EPB41L5: variants seen among roughly 807,000 people sequenced by gnomAD.
EPB41L5 encodes erythrocyte membrane protein band 4.1 like 5, also known as band 4.1-like protein 5.
In EPB41L5, 55 loss-of-function variants were observed where a neutral mutation model predicts 106.6. The observed-to-expected ratio is 0.52, with a 90% confidence interval of 0.42 to 0.65. The LOEUF is 0.65. EPB41L5 is among the 30% of genes least tolerant of loss of function. EPB41L5 has a pLI of 0.00. For synonymous variants in EPB41L5, 297 were observed against 306.7 expected (o/e 0.97, Z 0.33); for missense variants, 871 against 882.1 (o/e 0.99, Z 0.16).
At chr2:120,050,463 T>G (rs1680155229) in intron 3 of EPB41L5, among the ~76,000 whole-genome samples, 1 of 152,246 alleles carries the variant, frequency 6.6e-6, no homozygotes, top group Non-Finnish European at 1.5e-5. Context: ...CTACTGAAGC[T>G]TGTGCATGCA....
intron 20 of EPB41L5, among the ~76,000 whole-genome samples, chr2:120,159,733 C>T (rs1687063890): frequency 6.6e-6 from 1 of 152,094 alleles, no homozygotes; most frequent in Admixed American, 6.5e-5. Flanking sequence ...GAATAGAGAG[C>T]CCAGAAATAG....
rs560400058 is a variant in EPB41L5 at position 120,145,806 on chromosome 2, TGTG to T, written c.1729-414_1729-412del. Among the ~76,000 whole-genome samples the T allele has an allele frequency of 7.6e-3, 1,148 of 152,050 alleles. 12 individuals carry two copies. Among genetic ancestry groups the T allele is most frequent in the African/African-American group, 0.026 (1,089 of 41,482 alleles). ...ACTAAAAATACAAAAATTAGCCAGG[TGTG>T]GTGGCACATACCTGTAATCCCAGCT... On this transcript the variant is annotated intron_variant, in intron 19 of 24. Coordinates refer to ENST00000263713, the MANE Select transcript of EPB41L5 (RefSeq NM_020909.4).
rs1358022916 is a variant in EPB41L5, at chr2:120,106,162, T to G, written c.1337+5348T>G. On this transcript the variant is annotated intron_variant, in intron 16 of 24. Coordinates refer to ENST00000263713, the MANE Select transcript of EPB41L5 (RefSeq NM_020909.4). ...GGAAGATTCACCTCATGATTTTTCT[T>G]TTGTTGAAAACCTTGTTGTAAAGAA... The G allele has an allele frequency of 3.0e-6, 3 of 985,418 alleles. No homozygotes were observed. The East Asian group carries it at 3.4e-4, about 112-fold the overall frequency. 61.0% of individuals were successfully genotyped at this position (985,418 alleles called of 1,614,324 possible).
At chr2:120,094,320 T>G (rs1476779703) in intron 14 of EPB41L5, among the ~76,000 whole-genome samples, 1 of 152,150 alleles carries the variant, frequency 6.6e-6, no homozygotes, top group Non-Finnish European at 1.5e-5. Context: ...TGATTCAGTT[T>G]GGGAGTTTGT....
At chr2:120,054,453 T>C (rs1032345917) in intron 3 of EPB41L5, among the ~76,000 whole-genome samples, 3 of 152,202 alleles carry the variant, frequency 2.0e-5, no homozygotes, top group African/African-American at 7.2e-5. Flanking sequence ...TATCAAACGA[T>C]TGCCTATTCT....
At chr2:120,150,230 T>A (rs941854776) in intron 20 of EPB41L5, among the ~76,000 whole-genome samples, 1 of 152,184 alleles carries the variant, frequency 6.6e-6, no homozygotes, top group Admixed American at 6.5e-5. Flanking sequence ...TCTCTAATGA[T>A]TAAGAATGTT....
intron 20 of EPB41L5, among the ~76,000 whole-genome samples, chr2:120,150,602 A>G (rs1686628174): frequency 1.3e-5 from 2 of 152,192 alleles, no homozygotes; most frequent in South Asian, 4.2e-4. Context: ...TTGGCCCTAA[A>G]AAGTGTTGGG....
intron 3 of EPB41L5, among the ~76,000 whole-genome samples, chr2:120,047,795 G>C (rs1679910702): frequency 6.6e-6 from 1 of 152,118 alleles, no homozygotes; most frequent in African/African-American, 2.4e-5. Flanking sequence ...ACTGGCTGTG[G>C]GTTTGTCATA....
At position 120,021,296 on chromosome 2, in the gene EPB41L5, C is replaced by T. The variant is rs559231219; in HGVS notation, c.180+2032C>T. Among the ~76,000 whole-genome samples, 384 of 150,920 alleles carry T rather than the reference C, an allele frequency of 2.5e-3. 1 individual carries two copies. Among genetic ancestry groups the T allele is most frequent in the African/African-American group, 8.8e-3 (360 of 40,968 alleles). On this transcript the variant is annotated intron_variant, in intron 2 of 24. Coordinates refer to ENST00000263713, the MANE Select transcript of EPB41L5 (RefSeq NM_020909.4). ...TGGAGATTGCAGTGAGCTGAGATCG[C>T]GCCACTGCACTCCAGTCTGGGTGAC...
intron 10 of EPB41L5, among the ~76,000 whole-genome samples, chr2:120,084,510 G>T (rs1410066238): frequency 6.6e-6 from 1 of 152,154 alleles, no homozygotes; most frequent in Non-Finnish European, 1.5e-5. Context: ...AGTCTGATGG[G>T]CTTCCCTTTG....
intron 1 of EPB41L5, among the ~76,000 whole-genome samples, chr2:120,018,876 G>A (rs939850294): frequency 1.1e-4 from 17 of 152,032 alleles, no homozygotes; most frequent in African/African-American, 3.9e-4. Context: ...GAACTCCTGG[G>A]CTCTAGCAGT....
intron 21 of EPB41L5, among the ~76,000 whole-genome samples, chr2:120,163,682 C>T (rs1687246981): frequency 6.7e-6 from 1 of 150,274 alleles, no homozygotes; most frequent in African/African-American, 2.5e-5. Flanking sequence ...AGGCTGGGCA[C>T]AGTGGCTCAC....
At chr2:120,032,725 A>C (rs749554166) in intron 2 of EPB41L5, among the ~76,000 whole-genome samples, 7 of 152,196 alleles carry the variant, frequency 4.6e-5, no homozygotes, top group Non-Finnish European at 7.3e-5. Context: ...TTGAATATAG[A>C]ATCTTCTGAA....
intron 14 of EPB41L5, among the ~76,000 whole-genome samples, chr2:120,093,970 C>T (rs1009872475): frequency 1.3e-5 from 2 of 150,400 alleles, no homozygotes; most frequent in African/African-American, 4.9e-5. Flanking sequence ...CTTTTCTTCT[C>T]TTTTTTTTTG....
intron 16 of EPB41L5, among the ~76,000 whole-genome samples, chr2:120,112,635 G>A (rs1411655391): frequency 1.3e-5 from 2 of 152,172 alleles, no homozygotes; most frequent in Non-Finnish European, 2.9e-5. Context: ...ATCATTACGG[G>A]CCCAGGGACC....
chr2:120,064,546 C>T (rs1480340773), intron 3 of EPB41L5, among the ~76,000 whole-genome samples: 1 of 152,150 alleles, frequency 6.6e-6, no homozygotes, highest in Non-Finnish European at 1.5e-5. Context: ...TTTGTGGTTA[C>T]ATATTATTTA....
chr2:120,092,008 T>A (rs1683447426), intron 13 of EPB41L5, among the ~76,000 whole-genome samples: 1 of 146,656 alleles, frequency 6.8e-6, no homozygotes. Flanking sequence ...TTAAAAACAT[T>A]TTTATTTATT....
At chr2:120,146,199 CT>C (rs760520648) in intron 19 of EPB41L5, 25 bp from the exon 20 acceptor site, 5 of 1,415,496 alleles carry the variant, frequency 3.5e-6, no homozygotes, top group South Asian at 1.2e-5. Flanking sequence ...TAAAGATTTA[CT>C]TTTTTTAATA....
At chr2:120,030,679 G>A (rs1465130063) in intron 2 of EPB41L5, among the ~76,000 whole-genome samples, 3 of 151,400 alleles carry the variant, frequency 2.0e-5, no homozygotes, top group East Asian at 1.9e-4. Context: ...TCAGCCTCCC[G>A]AGTAGCTAGG....
Sources: allele counts gnomAD v4.1 joint callset (sites outside exome capture counted in the v4.1 genomes callset), GRCh38; gene constraint gnomAD v4.1.1; transcripts MANE v1.5; gene names NCBI Gene and HGNC (gene_info 2026-07-23, HGNC 2026-07-21).